The following ROBO1 variants were observed in gnomAD, a reference collection of about 807,000 sequenced individuals.
ROBO1 encodes roundabout guidance receptor 1.
Under a neutral mutation model 195.9 loss-of-function variants are expected in ROBO1, and 149 were observed. The observed-to-expected ratio is 0.76, with a 90% CI of 0.67 to 0.87. The LOEUF (loss-of-function observed/expected upper bound fraction) is 0.87. Among genes scored for constraint, ROBO1 ranks in the 40% least tolerant of loss-of-function variants. The pLI is 0.00. For synonymous variants in ROBO1, 816 were observed against 733.2 expected, an observed-to-expected ratio of 1.11 and a Z score of -1.82; for missense variants, 1,933 against 2,068.3, an observed-to-expected ratio of 0.93 and a Z score of 1.27.
At chr3:78,792,437 T>C (rs1261625285) in intron 4 of ROBO1, among the ~76,000 whole-genome samples, 3 of 152,184 alleles carry the variant, frequency 2.0e-5, no homozygotes, top group African/African-American at 7.2e-5. Context: ...AGTAGCAGAA[T>C]TGGGTAACAA....
At chr3:79,502,673 A>T (rs1049247900) in intron 2 of ROBO1, among the ~76,000 whole-genome samples, 1 of 145,710 alleles carries the variant, frequency 6.9e-6, no homozygotes, top group East Asian at 2.0e-4. Context: ...GGGTGAGGCC[A>T]GCTGGGCTCC....
At chr3:79,282,251 G>A (rs1164503882) in intron 2 of ROBO1, among the ~76,000 whole-genome samples, 1 of 152,172 alleles carries the variant, frequency 6.6e-6, no homozygotes, top group Non-Finnish European at 1.5e-5. Flanking sequence ...GAAGAACAGT[G>A]TAAAGGACAT....
At chr3:78,811,275 C>A (rs902201848) in intron 4 of ROBO1, among the ~76,000 whole-genome samples, 1 of 152,138 alleles carries the variant, frequency 6.6e-6, no homozygotes, top group Non-Finnish European at 1.5e-5. Context: ...TTAACAAATT[C>A]AACTAAAGTT....
chr3:79,387,972 G>T (rs1012933328), intron 2 of ROBO1, among the ~76,000 whole-genome samples: 1 of 152,092 alleles, frequency 6.6e-6, no homozygotes, highest in Non-Finnish European at 1.5e-5. Flanking sequence ...TTCTCACAGT[G>T]CTATAGGCAC....
chr3:78,744,959 A>C lies in ROBO1; in HGVS notation c.657+1784T>G, dbSNP rs1336938604. ...GTTTTGTCTGTATACGCACTCATAAAATGTAAGCTCCAGCAGAACACTCAC... is the reference window on the plus strand; with the variant it reads ...GTTTTGTCTGTATACGCACTCATAACATGTAAGCTCCAGCAGAACACTCAC... On this transcript the variant is annotated intron_variant, in intron 5 of 30. Coordinates refer to ENST00000464233, the MANE Select transcript of ROBO1 (RefSeq NM_002941.4). Among the ~76,000 whole-genome samples, 5 of 152,118 alleles carry C rather than the reference A, an allele frequency of 3.3e-5. No individual in the cohort carries two copies. The East Asian group carries it at 9.7e-4, about 29-fold the overall frequency.
At chr3:78,895,355 G>A (rs2037166197) in intron 4 of ROBO1, among the ~76,000 whole-genome samples, 1 of 152,150 alleles carries the variant, frequency 6.6e-6, no homozygotes, top group Non-Finnish European at 1.5e-5. Flanking sequence ...ATTCAAGGGG[G>A]AGCAGGTTGT....
At chr3:79,395,584 A>T (rs1406978350) in intron 2 of ROBO1, among the ~76,000 whole-genome samples, 1 of 151,994 alleles carries the variant, frequency 6.6e-6, no homozygotes, top group Non-Finnish European at 1.5e-5. Flanking sequence ...GAAAGTAAAA[A>T]TTTCTAAAAA....
chr3:79,588,986 C>G (rs1447680564), intron 2 of ROBO1, among the ~76,000 whole-genome samples: 1 of 151,512 alleles, frequency 6.6e-6, no homozygotes, highest in Non-Finnish European at 1.5e-5. Context: ...CATATAGTTG[C>G]TGAATATCAA....
At chr3:78,970,957 A>G (rs2076751975) in intron 3 of ROBO1, among the ~76,000 whole-genome samples, 1 of 152,040 alleles carries the variant, frequency 6.6e-6, no homozygotes, top group Admixed American at 6.6e-5. Context: ...CTGTATCCTC[A>G]TATGTGGCAA....
chr3:79,541,519 T>G (rs1942065995), intron 2 of ROBO1, among the ~76,000 whole-genome samples: 1 of 152,014 alleles, frequency 6.6e-6, no homozygotes, highest in Admixed American at 6.6e-5. Flanking sequence ...AGGACAGAAA[T>G]ATGGTTGCAG....
chr3:78,918,469 AC>A (rs2038759116), intron 4 of ROBO1, among the ~76,000 whole-genome samples: 1 of 152,182 alleles, frequency 6.6e-6, no homozygotes, highest in Non-Finnish European at 1.5e-5. Context: ...AATTCAGAGA[AC>A]TAAAATTAGT....
intron 4 of ROBO1, among the ~76,000 whole-genome samples, chr3:78,811,069 G>A (rs541901237): frequency 6.6e-6 from 1 of 152,004 alleles, no homozygotes; most frequent in Non-Finnish European, 1.5e-5. Flanking sequence ...CTCTCTCACT[G>A]GAAATACTAA....
intron 2 of ROBO1, among the ~76,000 whole-genome samples, chr3:79,581,432 A>G (rs1027323309): frequency 6.6e-6 from 1 of 152,172 alleles, no homozygotes; most frequent in Non-Finnish European, 1.5e-5. Flanking sequence ...CTAGATTACA[A>G]ATACGAGTTT....
chr3:79,134,207 C>T (rs913228821), intron 2 of ROBO1, among the ~76,000 whole-genome samples: 21 of 137,194 alleles, frequency 1.5e-4, no homozygotes, highest in Admixed American at 4.6e-4. Flanking sequence ...AACAAACAAC[C>T]CCATCAAAAA....
At chr3:78,944,819 C>G (rs891596991) in intron 3 of ROBO1, among the ~76,000 whole-genome samples, 3 of 152,174 alleles carry the variant, frequency 2.0e-5, no homozygotes, top group Non-Finnish European at 4.4e-5. Context: ...CACCCTAATA[C>G]TGCGCTTTTC....
At chr3:79,700,877 G>C (rs965868688) in intron 1 of ROBO1, among the ~76,000 whole-genome samples, 2 of 151,564 alleles carry the variant, frequency 1.3e-5, no homozygotes, top group Non-Finnish European at 3.0e-5. Flanking sequence ...TGCTTCTGAG[G>C]ACTTAGCCAT....
At chr3:79,167,882 G>C (rs972060161) in intron 2 of ROBO1, among the ~76,000 whole-genome samples, 4 of 152,190 alleles carry the variant, frequency 2.6e-5, no homozygotes, top group Non-Finnish European at 5.9e-5. Context: ...GATACAAATA[G>C]CATCCATTTC....
intron 2 of ROBO1, among the ~76,000 whole-genome samples, chr3:79,485,681 C>T (rs185932876): frequency 2.0e-5 from 3 of 152,218 alleles, no homozygotes; most frequent in African/African-American, 7.2e-5. Flanking sequence ...TTTGCAGATA[C>T]AGAAAGTAAG....
chr3:79,147,742 C>T (rs1349374971), intron 2 of ROBO1, among the ~76,000 whole-genome samples: 1 of 151,980 alleles, frequency 6.6e-6, no homozygotes, highest in Non-Finnish European at 1.5e-5. Context: ...GTTTCATATA[C>T]AGCATTTAAC....
Sources: gnomAD v4.1 joint callset for allele counts (sites outside exome capture counted in the v4.1 genomes callset) on GRCh38, gnomAD v4.1.1 for gene constraint, MANE v1.5 for transcripts, NCBI Gene and HGNC (gene_info 2026-07-23, HGNC 2026-07-21) for gene names.